The following DST variants were observed in gnomAD, a reference collection of about 807,000 sequenced individuals.
DST encodes bullous pemphigoid antigen.
A neutral mutation model predicts 875.2 loss-of-function variants in DST; 253 were observed. That is an observed-to-expected ratio of 0.29 (90% CI 0.26 to 0.32). The LOEUF is 0.32. DST is among the 10% of genes least tolerant of loss of function. DST has a pLI of 1.00. For missense variants in DST, 8,287 were observed against 9,111.6 expected, an observed-to-expected ratio of 0.91 and a Z score of 3.68; for synonymous variants, 3,124 against 3,197.1, an observed-to-expected ratio of 0.98 and a Z score of 0.77.
At chr6:56,642,315 G>T (rs140981770) in intron 16 of DST, 95 bp downstream of exon 16, 2 of 993,652 alleles carry the variant, frequency 2.0e-6, no homozygotes, top group South Asian at 2.6e-5. Flanking sequence ...AGAGTATTAC[G>T]AAGAATCAAC....
rs376004126 is a variant in DST at position 56,925,226 on chromosome 6, GT to G, written c.217-24606del. ...AACTGGCTAACATCACACTAGTGTT[GT>G]TTTTTTTCATAGGGATTAAAAATCA... is the stretch of plus-strand genomic sequence containing the variant. On this transcript the variant is annotated intron_variant, in intron 2 of 103. Coordinates refer to ENST00000680361, the MANE Select transcript of DST (RefSeq NM_001374736.1). Among the ~76,000 whole-genome samples, 67 of 151,952 alleles carry G rather than the reference GT, an allele frequency of 4.4e-4. 1 individual carries two copies. In the East Asian group the frequency reaches 4.6e-3, roughly 11 times the overall value.
chr6:56,763,446 AG>A (rs1160211958), intron 4 of DST, among the ~76,000 whole-genome samples: 1 of 151,952 alleles, frequency 6.6e-6, no homozygotes, highest in Non-Finnish European at 1.5e-5. Flanking sequence ...CTGAGGCAGA[AG>A]GATCACCTGA....
At chr6:56,825,110 A>G (rs2099778590) in intron 4 of DST, among the ~76,000 whole-genome samples, 2 of 151,794 alleles carry the variant, frequency 1.3e-5, no homozygotes, top group East Asian at 1.9e-4. Context: ...GTGTCTGTGT[A>G]GAAAGAAGTA....
chr6:56,847,965 C>T (rs887257159), intron 4 of DST, among the ~76,000 whole-genome samples: 6 of 152,094 alleles, frequency 3.9e-5, no homozygotes, highest in African/African-American at 7.2e-5. Flanking sequence ...GAATGTGTAA[C>T]GATCAAGTCA....
chr6:56,927,543 GAATAC>G (rs1306037413), intron 2 of DST, among the ~76,000 whole-genome samples: 1 of 152,108 alleles, frequency 6.6e-6, no homozygotes, highest in Non-Finnish European at 1.5e-5. Context: ...TGCATTAAAA[GAATAC>G]AATATGATGA....
intron 75 of DST, among the ~76,000 whole-genome samples, chr6:56,507,241 T>A (rs1298208346): frequency 6.6e-6 from 1 of 152,218 alleles, no homozygotes. Flanking sequence ...CAGGACCAGG[T>A]AGGACCTGTA....
intron 2 of DST, among the ~76,000 whole-genome samples, chr6:56,912,343 A>C (rs1032839763): frequency 6.6e-6 from 1 of 152,204 alleles, no homozygotes; most frequent in African/African-American, 2.4e-5. Context: ...AATTTTAATT[A>C]ATTAAAATTA....
At position 56,578,839 on chromosome 6, in the gene DST, G is replaced by A. The variant is rs776672142; in HGVS notation, c.13002C>T (p.Ala4334=). ...CAAGTGTTTTCTGGATATCATTCTTGGCTGGAAGTAAAGATCCCCTGGCAT... is the reference window on the plus strand; with the variant it reads ...CAAGTGTTTTCTGGATATCATTCTTAGCTGGAAGTAAAGATCCCCTGGCAT... ...LLDARGSLLP[A]KNDIQKTLDD... Residue 4334 remains alanine, a synonymous_variant, in exon 50 of 104, where the codon GCC becomes GCT. Coordinates refer to ENST00000680361, the MANE Select transcript of DST (RefSeq NM_001374736.1). The A allele has an allele frequency of 6.2e-7, 1 of 1,611,952 alleles. No homozygotes were observed. The highest frequency in any genetic ancestry group is 1.1e-5 in the South Asian group (1 of 90,484).
chr6:56,718,783 T>C (rs35807277), intron 5 of DST, among the ~76,000 whole-genome samples: 35,863 of 152,080 alleles, frequency 0.24, 5,479 homozygotes, highest in African/African-American at 0.43. Flanking sequence ...AAAAATATTA[T>C]GCTAACTAAA....
intron 2 of DST, among the ~76,000 whole-genome samples, chr6:56,944,457 C>T (rs1467123451): frequency 1.3e-5 from 2 of 150,868 alleles, no homozygotes; most frequent in Non-Finnish European, 3.0e-5. Context: ...AAGAGTTACC[C>T]TTTTTTTTTG....
At chr6:56,501,474 T>G (rs748509275) in intron 79 of DST, 46 bp downstream of exon 79, 1 of 1,362,358 alleles carries the variant, frequency 7.3e-7, no homozygotes, top group Admixed American at 2.9e-5. Context: ...CATTAATATC[T>G]GAAATTGAAA....
intron 4 of DST, among the ~76,000 whole-genome samples, chr6:56,791,583 C>G (rs1484693383): frequency 6.6e-6 from 1 of 152,060 alleles, no homozygotes; most frequent in South Asian, 2.1e-4. Context: ...CCCAGAAGTT[C>G]GAGACCAGCC....
At chr6:56,887,678 A>G (rs1475488528) in intron 3 of DST, among the ~76,000 whole-genome samples, 2 of 152,184 alleles carry the variant, frequency 1.3e-5, no homozygotes, top group African/African-American at 4.8e-5. Flanking sequence ...GTCATCACAT[A>G]CAAGAAAGAC....
At chr6:56,842,786 G>A (rs1222878496) in intron 4 of DST, among the ~76,000 whole-genome samples, 1 of 152,114 alleles carries the variant, frequency 6.6e-6, no homozygotes, top group Non-Finnish European at 1.5e-5. Flanking sequence ...TTTTACAAGG[G>A]AGAGAAAACG....
intron 5 of DST, among the ~76,000 whole-genome samples, chr6:56,729,607 C>CA (rs569525896): frequency 0.02 from 1,243 of 63,426 alleles, 7 homozygotes; most frequent in African/African-American, 0.038. Flanking sequence ...AACTCCATCT[C>CA]AAAAAAAAAA....
At chr6:56,934,552 ATAT>A (rs1204156210) in intron 2 of DST, among the ~76,000 whole-genome samples, 3 of 106,882 alleles carry the variant, frequency 2.8e-5, no homozygotes, top group African/African-American at 4.1e-5. Flanking sequence ...TACATATTAT[ATAT>A]TATATTATAT....
At chr6:56,762,833 G>A (rs1015043814) in intron 4 of DST, among the ~76,000 whole-genome samples, 6 of 148,146 alleles carry the variant, frequency 4.1e-5, no homozygotes, top group Admixed American at 6.7e-5. Flanking sequence ...ACAAATTTAC[G>A]AGAACACCAC....
chr6:56,938,601 C>T (rs573381162), intron 2 of DST, among the ~76,000 whole-genome samples: 49 of 152,254 alleles, frequency 3.2e-4, no homozygotes, highest in African/African-American at 1.0e-3. Flanking sequence ...AGATTACCTA[C>T]GGTAGATTGC....
chr6:56,789,102 T>C lies in DST; in HGVS notation c.626-53813A>G, dbSNP rs2099710707. ...GTTCACACCTATAATCCCAGCACTT[T>C]GGAAGGCCAAGAATGGAGGATCCCT... On this transcript the variant is annotated intron_variant, in intron 4 of 103. Transcript: ENST00000680361. Among the ~76,000 whole-genome samples the C allele has an allele frequency of 2.0e-5, 3 of 152,202 alleles. No homozygotes were observed. In the South Asian group the frequency reaches 6.2e-4, roughly 31 times the overall value.
Sources: gnomAD v4.1 joint callset for allele counts (sites outside exome capture counted in the v4.1 genomes callset) on GRCh38, gnomAD v4.1.1 for gene constraint, MANE v1.5 for transcripts, NCBI Gene and HGNC (gene_info 2026-07-23, HGNC 2026-07-21) for gene names.